Variants in CMIP observed in about 807,000 individuals in gnomAD.
CMIP encodes C-Maf-inducing protein.
Under a neutral mutation model 97.3 loss-of-function variants are expected in CMIP, and 13 were observed. The ratio of observed to expected loss-of-function variants is 0.13; its 90% CI spans 0.09 to 0.21. CMIP has a LOEUF of 0.21. CMIP is among the 10% of genes least tolerant of loss of function. CMIP has a pLI of 1.00. For missense variants in CMIP, 847 were observed against 1,024.9 expected (o/e 0.83, Z 2.37); for synonymous variants, 538 against 436.3 (o/e 1.23, Z -2.91).
intron 19 of CMIP, 102 bp downstream of exon 19, chr16:81,705,706 T>G (rs769156867): frequency 2.0e-5 from 14 of 706,246 alleles, no homozygotes; most frequent in East Asian, 5.5e-5. Context: ...CATGCACAGA[T>G]AGAGAAATTC....
intron 1 of CMIP, among the ~76,000 whole-genome samples, chr16:81,482,004 G>C (rs555882481): frequency 2.0e-5 from 3 of 151,840 alleles, no homozygotes; most frequent in Non-Finnish European, 4.4e-5. Flanking sequence ...TCAGCCTCCT[G>C]AGTAGCTGGG....
chr16:81,489,531 C>T (rs931072574), intron 1 of CMIP, among the ~76,000 whole-genome samples: 2 of 152,144 alleles, frequency 1.3e-5, no homozygotes, highest in Non-Finnish European at 2.9e-5. Context: ...GCCGCTGTAC[C>T]CGGAGGTCTG....
chr16:81,500,420 C>CCCCT (rs2089585790), intron 1 of CMIP, among the ~76,000 whole-genome samples: 1 of 119,258 alleles, frequency 8.4e-6, no homozygotes, highest in Non-Finnish European at 1.8e-5. Context: ...CCTCCTCCCT[C>CCCCT]CCCTCCCTCC....
chr16:81,538,420 A>G (rs774682746), intron 1 of CMIP, among the ~76,000 whole-genome samples: 3 of 152,256 alleles, frequency 2.0e-5, no homozygotes, highest in East Asian at 1.9e-4. Flanking sequence ...AAACAGCTTC[A>G]TCATCATTAG....
In CMIP at chr16:81,453,204, A is replaced by C. The variant is rs1906342347; in HGVS notation, c.300+7663A>C. On this transcript the variant is annotated intron_variant, in intron 1 of 20. Coordinates refer to ENST00000537098, the MANE Select transcript of CMIP (RefSeq NM_198390.3). This position sits in a 1 kb window ranked among gnomAD's most constrained non-coding sequence, Gnocchi z 4.0. ...CATGGCATCCTTTGTTCGTGGCTCT[A>C]CTGCTTTCAAGCTACTGTCAGAAAT... Among the ~76,000 whole-genome samples the C allele has an allele frequency of 6.6e-6, 1 of 152,064 alleles. No individual in the cohort carries two copies.
At chr16:81,709,265 A>C (rs752975368) in intron 20 of CMIP, among the ~76,000 whole-genome samples, 1 of 152,180 alleles carries the variant, frequency 6.6e-6, no homozygotes, top group South Asian at 2.1e-4. Flanking sequence ...GAATATCACT[A>C]ACAGTAAAAA....
intron 13 of CMIP, among the ~76,000 whole-genome samples, chr16:81,694,267 C>G (rs1447063119): frequency 1.3e-5 from 2 of 152,198 alleles, no homozygotes; most frequent in African/African-American, 4.8e-5. Context: ...TCTCTGTGTG[C>G]ATGAGTTCTG....
intron 20 of CMIP, among the ~76,000 whole-genome samples, chr16:81,708,712 G>A (rs1597284543): frequency 6.6e-6 from 1 of 152,194 alleles, no homozygotes; most frequent in African/African-American, 2.4e-5. Context: ...TTTTTCAAGA[G>A]AACCTTGAAA....
chr16:81,566,219 A>G (rs145966064), intron 1 of CMIP, among the ~76,000 whole-genome samples: 1 of 152,306 alleles, frequency 6.6e-6, no homozygotes, highest in Non-Finnish European at 1.5e-5. Flanking sequence ...TGGCTTCCAG[A>G]TAAAATTATG....
chr16:81,674,423 G>T (rs546778933), intron 9 of CMIP, among the ~76,000 whole-genome samples: 1 of 151,196 alleles, frequency 6.6e-6, no homozygotes, highest in Non-Finnish European at 1.5e-5. Flanking sequence ...GAGCCACCGC[G>T]CCTGGCTTAC....
intron 4 of CMIP, among the ~76,000 whole-genome samples, chr16:81,654,811 T>C (rs2092465375): frequency 6.6e-6 from 1 of 152,240 alleles, no homozygotes; most frequent in African/African-American, 2.4e-5. Flanking sequence ...ATGAAGCTTA[T>C]GCCCCTGCAC....
chr16:81,670,510 G>A (rs8063999), intron 8 of CMIP, among the ~76,000 whole-genome samples: 77,123 of 151,006 alleles, frequency 0.51, 20,859 homozygotes, highest in African/African-American at 0.66. Flanking sequence ...GTCCCAGAGC[G>A]TCATCGTCGG....
chr16:81,455,009 G>A (rs1485002412), intron 1 of CMIP, among the ~76,000 whole-genome samples: 3 of 152,246 alleles, frequency 2.0e-5, no homozygotes, highest in Non-Finnish European at 4.4e-5. Context: ...GACACCGTAA[G>A]ACGGCATAGG....
At chr16:81,514,028 AAAAC>A (rs2089863135) in intron 1 of CMIP, among the ~76,000 whole-genome samples, 1 of 132,678 alleles carries the variant, frequency 7.5e-6, no homozygotes, top group Admixed American at 7.5e-5. Context: ...GTTTAAAAGA[AAAAC>A]AACAAAAACA....
At chr16:81,546,544 A>C (rs560732597) in intron 1 of CMIP, among the ~76,000 whole-genome samples, 1 of 152,320 alleles carries the variant, frequency 6.6e-6, no homozygotes, top group East Asian at 1.9e-4. Context: ...ATAGTTACTG[A>C]GGGTCTGTGT....
intron 1 of CMIP, among the ~76,000 whole-genome samples, chr16:81,582,634 G>A (rs2091314550): frequency 6.6e-6 from 1 of 152,156 alleles, no homozygotes; most frequent in African/African-American, 2.4e-5. Flanking sequence ...AGGTAGAGAA[G>A]TGTACCAAAG....
intron 1 of CMIP, among the ~76,000 whole-genome samples, chr16:81,583,509 A>G (rs997902697): frequency 2.0e-5 from 3 of 152,272 alleles, no homozygotes; most frequent in Non-Finnish European, 4.4e-5. Flanking sequence ...GACCCTGGGC[A>G]GAGAGCGGGA....
At chr16:81,703,512 T>C (rs528855912) in intron 17 of CMIP, among the ~76,000 whole-genome samples, 1 of 150,900 alleles carries the variant, frequency 6.6e-6, no homozygotes, top group South Asian at 2.1e-4. Flanking sequence ...CACACACAAA[T>C]ATACACAGAC....
At chr16:81,504,473 T>C (rs1214991223) in intron 1 of CMIP, among the ~76,000 whole-genome samples, 1 of 150,994 alleles carries the variant, frequency 6.6e-6, no homozygotes, top group Non-Finnish European at 1.5e-5. Flanking sequence ...TGAAACTCTG[T>C]CTCTACTAAA....
Sources: allele counts gnomAD v4.1 joint callset (sites outside exome capture counted in the v4.1 genomes callset), GRCh38; gene constraint gnomAD v4.1.1; non-coding constraint Gnocchi (gnomAD v3.1); transcripts MANE v1.5; gene names NCBI Gene and HGNC (gene_info 2026-07-23, HGNC 2026-07-21).